Variants in EEF2 observed in about 807,000 individuals in gnomAD.
EEF2 encodes the protein eukaryotic translation elongation factor 2.
EEF2 carries 21 observed loss-of-function variants against 85.3 expected under a neutral mutation model. The ratio of observed to expected loss-of-function variants is 0.25; its 90% CI spans 0.17 to 0.35. The LOEUF (loss-of-function observed/expected upper bound fraction) is 0.35, where lower values mean the gene tolerates loss of function less well. Ranked by LOEUF, EEF2 falls within the 10% of genes least tolerant of loss-of-function variation. The pLI, the probability that EEF2 is intolerant of heterozygous loss-of-function variation, is 1.00. For synonymous variants in EEF2, 723 were observed against 508.8 expected, an observed-to-expected ratio of 1.42 and a Z score of -5.67; for missense variants, 825 against 1,225.3, an observed-to-expected ratio of 0.67 and a Z score of 4.88.
intron 1 of EEF2, among the ~76,000 whole-genome samples, chr19:3,984,590 A>G (rs1452595867): frequency 6.6e-6 from 1 of 152,212 alleles, no homozygotes; most frequent in South Asian, 2.1e-4. Context: ...AGTGCTCAGG[A>G]ATAAAACTGA....
chr19:3,976,563 G>C lies in EEF2; in HGVS notation c.2568C>G (p.Asp856Glu). The C allele has an allele frequency of 6.2e-7, 1 of 1,606,566 alleles. No homozygotes were observed. The highest frequency in any genetic ancestry group is 8.5e-7 in the Non-Finnish European group (1 of 1,176,820). ...CTGCAGGAAGGGCCGCCTACAATTTGTCCAGGAAGTTGTCCAGGGCAGGGA... is the reference window on the plus strand; with the variant it reads ...CTGCAGGAAGGGCCGCCTACAATTTCTCCAGGAAGTTGTCCAGGGCAGGGA... Reference protein sequence around the residue: ...EGIPALDNFLDKL With the variant: ...EGIPALDNFLEKL Residue 856 changes from aspartate to glutamate, a missense_variant, in exon 15 of 15, where the codon GAC (aspartate) becomes GAG (glutamate). Asp to Glu is a conservative substitution (Grantham distance 45). Transcript: ENST00000309311.
rs980456699 is a variant in EEF2 at position 3,976,307 on chromosome 19, C to G, written c.*247G>C. On this transcript the variant is annotated 3_prime_UTR_variant, in exon 15 of 15. Transcript: ENST00000309311. ...GTTGGGTGTCCCATCCCGCCTCCCC[C>G]TCCCCGACCGGCCCATTAAGTCCCT... The G allele has an allele frequency of 2.4e-5, 10 of 415,258 alleles. 1 individual carries two copies. Among genetic ancestry groups the G allele is most frequent in the Non-Finnish European group, 3.9e-5 (9 of 230,742 alleles). The allele number at this position is 415,258 out of a possible 1,614,324, so 25.7% of individuals were successfully genotyped here. A position where few individuals can be genotyped will look rare whatever the true frequency, so the allele number is the denominator to read the frequency against.
intron 2 of EEF2, 76 bp downstream of exon 2, chr19:3,984,060 C>T (rs780994228): frequency 2.2e-5 from 33 of 1,524,302 alleles, no homozygotes; most frequent in Middle Eastern, 2.2e-4. Flanking sequence ...TCTCTCCCCG[C>T]GCACCCTGGC....
intron 2 of EEF2, 97 bp from the exon 3 acceptor site, chr19:3,983,388 G>C (rs2039779718): frequency 1.5e-6 from 2 of 1,353,386 alleles, no homozygotes; most frequent in Middle Eastern, 2.1e-4. Flanking sequence ...CTCCCTCCAT[G>C]ACTCATCCCT....
chr19:3,980,153 G>T, intron 9 of EEF2, 87 bp from the exon 10 acceptor site: 1 of 1,525,400 alleles, frequency 6.6e-7, no homozygotes, highest in Non-Finnish European at 8.8e-7. Flanking sequence ...CGGAGTTGGT[G>T]GCCCTCCTGC....
chr19:3,976,859 G>T, intron 14 of EEF2, 112 bp from the exon 15 acceptor site: 1 of 1,247,828 alleles, frequency 8.0e-7, no homozygotes, highest in South Asian at 1.6e-5. Flanking sequence ...CTGCAGACCA[G>T]ACACTCGGCC....
chr19:3,983,843 GGT>G (rs1568202936), intron 2 of EEF2: 2 of 468,764 alleles, frequency 4.3e-6, no homozygotes, highest in East Asian at 4.0e-5. Flanking sequence ...TCCCCTCCCA[GGT>G]GTGACAGCCA....
intron 10 of EEF2, 48 bp downstream of exon 10, chr19:3,979,760 C>T (rs747195196): frequency 1.2e-5 from 19 of 1,585,782 alleles, no homozygotes; most frequent in Admixed American, 5.1e-5. Flanking sequence ...GGACACAAGC[C>T]GTCCCCCCTC....
At position 3,982,137 on chromosome 19, in the gene EEF2, G is replaced by A. The variant is rs2039757164; in HGVS notation, c.792-85C>T. On this transcript the variant is annotated intron_variant, in intron 5 of 14. Transcript: ENST00000309311. ...GTGGTCGCCAAGGGGACATGCTTGG[G>A]CAAGACCTGGTGGGCTTGAGCCACG... 5.6e-6 allele frequency: 9 copies of A among 1,595,360 alleles called. No individual in the cohort carries two copies. In the Admixed American group the frequency reaches 1.5e-4, roughly 27 times the overall value.
chr19:3,981,846 A>T, intron 6 of EEF2, 101 bp downstream of exon 6: 1 of 1,079,516 alleles, frequency 9.3e-7, no homozygotes. Context: ...TCTGCCCCAC[A>T]AGGAGACGGG....
At position 3,976,755 on chromosome 19, in the gene EEF2, G is replaced by C; in HGVS notation, c.2384-8C>G. 2 of 1,552,050 alleles carry C rather than the reference G, an allele frequency of 1.3e-6. No individual in the cohort carries two copies. Among genetic ancestry groups the C allele is most frequent in the Middle Eastern group, 1.7e-4 (1 of 5,796 alleles). On this transcript the variant is annotated splice_polypyrimidine_tract_variant and splice_region_variant and intron_variant, in intron 14 of 14. Coordinates refer to ENST00000309311, the MANE Select transcript of EEF2 (RefSeq NM_001961.4). ...TCAGGTCAGCGGTGAAGCCTGCAGA[G>C]GGAAGCGAGAGGCTCACTGGGCCAT...
At chr19:3,984,642 T>C (rs1314060429) in intron 1 of EEF2, among the ~76,000 whole-genome samples, 1 of 152,112 alleles carries the variant, frequency 6.6e-6, no homozygotes. Context: ...AATACTAAAG[T>C]CTCATTTGGG....
intron 4 of EEF2, 188 bp downstream of exon 4, chr19:3,982,619 G>T: frequency 9.5e-7 from 1 of 1,048,812 alleles, no homozygotes. Flanking sequence ...CCCTGAGCTC[G>T]TCTCTTCCAG....
chr19:3,981,325 G>T lies in EEF2; in HGVS notation c.1011+14C>A. ...TGTGTTCCCTCCACCCCGAGGGCTG[G>T]GCCCAGGCCGCACCTTCAGCAGGGG... On this transcript the variant is annotated intron_variant, in intron 7 of 14. Coordinates refer to ENST00000309311, the MANE Select transcript of EEF2 (RefSeq NM_001961.4). 3.1e-6 allele frequency: 5 copies of T among 1,612,110 alleles called. No homozygotes were observed. The highest frequency in any genetic ancestry group is 4.2e-6 in the Non-Finnish European group (5 of 1,178,184).
chr19:3,977,980 C>T lies in EEF2; in HGVS notation c.1906G>A (p.Ala636Thr). 2 of 1,613,028 alleles carry T rather than the reference C, an allele frequency of 1.2e-6. No homozygotes were observed. Among genetic ancestry groups the T allele is most frequent in the Non-Finnish European group, 1.7e-6 (2 of 1,179,740 alleles). Residue 636 changes from alanine to threonine, a missense_variant, in exon 12 of 15, where the codon GCC (alanine) becomes ACC (threonine). Transcript: ENST00000309311. The surrounding 1 kb of genome is among the most constrained non-coding windows in gnomAD (Gnocchi z 5.4). The part of the protein sequence containing the change: ...QELKQRARYL[A>T]EKYEWDVAEA... ...GCCACGTCCCACTCGTACTTCTCGG[C>T]CAGGTAGCGCGCCCGCTGCTTGAGC... is the stretch of plus-strand genomic sequence containing the variant.
intron 10 of EEF2, 124 bp from the exon 11 acceptor site, chr19:3,979,560 T>G (rs369453823): frequency 1.0e-6 from 1 of 977,962 alleles, no homozygotes; most frequent in Admixed American, 2.4e-5. Flanking sequence ...GCTGGGAAAC[T>G]GGGACCAGCA....
chr19:3,980,702 T>C lies in EEF2; in HGVS notation c.1158A>G (p.Lys386=). The stretch of plus-strand genomic sequence containing the variant: ...TAAGAGGGCCTTTGGGGTCACAGCT[T>C]TTAATGCCTGAGGGACAGAGAAAAC... ...PPDDEAAMGI[K]SCDPKGPLMM... The change falls in exon 9 of 15, where the codon AAA becomes AAG. Residue 386 remains lysine, a synonymous_variant. Transcript: ENST00000309311. The C allele has an allele frequency of 6.2e-7, 1 of 1,613,320 alleles. No homozygotes were observed. The highest frequency in any genetic ancestry group is 8.5e-7 in the Non-Finnish European group (1 of 1,179,352).
At chr19:3,978,412 G>A (rs993671352) in intron 11 of EEF2, among the ~76,000 whole-genome samples, 6 of 152,274 alleles carry the variant, frequency 3.9e-5, no homozygotes, top group Admixed American at 3.9e-4. Flanking sequence ...GGAATTTTAA[G>A]CATTAACAGG....
chr19:3,977,921 G>T lies in EEF2; in HGVS notation c.1965C>A (p.Asp655Glu). 4 of 1,613,554 alleles carry T rather than the reference G, an allele frequency of 2.5e-6. No homozygotes were observed. The highest frequency in any genetic ancestry group is 3.4e-6 in the Non-Finnish European group (4 of 1,179,976). Reference sequence around the variant, plus strand: ...CGGTGAGGATGTTGGGGCCGGTGCCGTCGGGCCCAAAGCACCAGATCTTGC... The same window carrying T: ...CGGTGAGGATGTTGGGGCCGGTGCCTTCGGGCCCAAAGCACCAGATCTTGC... ...EARKIWCFGP[D>E]GTGPNILTDI... Residue 655 changes from aspartate to glutamate, a missense_variant, in exon 12 of 15, where the codon GAC (aspartate) becomes GAA (glutamate). Physicochemically the swap from Asp to Glu is conservative, Grantham distance 45 (BLOSUM62 2). Transcript: ENST00000309311. The surrounding 1 kb of genome is among the most constrained non-coding windows in gnomAD (Gnocchi z 5.4).
Sources: allele counts gnomAD v4.1 joint callset (sites outside exome capture counted in the v4.1 genomes callset), GRCh38; gene constraint gnomAD v4.1.1; non-coding constraint Gnocchi (gnomAD v3.1); transcripts MANE v1.5; gene names NCBI Gene and HGNC (gene_info 2026-07-23, HGNC 2026-07-21).